Variants in IPO7 observed in about 807,000 individuals in gnomAD.
IPO7 encodes the protein importin 7.
IPO7 carries 13 observed loss-of-function variants against 136.4 expected under a neutral mutation model. That is an observed-to-expected ratio of 0.10 (90% CI 0.06 to 0.15). The LOEUF (loss-of-function observed/expected upper bound fraction) is 0.15, where lower values mean the gene tolerates loss of function less well. Among genes scored for constraint, IPO7 ranks in the 10% least tolerant of loss-of-function variants. The probability of loss-of-function intolerance (pLI) is 1.00; values close to 1 mark genes in which losing one functional copy is unlikely to be tolerated. For synonymous variants in IPO7, 403 were observed against 404.4 expected, an observed-to-expected ratio of 1.00 and a Z score of 0.04; for missense variants, 857 against 1,240.6, an observed-to-expected ratio of 0.69 and a Z score of 4.65.
At chr11:9,433,266 G>T (rs777983289) in intron 16 of IPO7, 30 of 293,016 alleles carry the variant, frequency 1.0e-4, no homozygotes, top group Non-Finnish European at 1.7e-4. Context: ...GATTACAGGC[G>T]TGAGCCACCG....
At chr11:9,396,474 C>T (rs1228850351) in intron 1 of IPO7, among the ~76,000 whole-genome samples, 1 of 152,212 alleles carries the variant, frequency 6.6e-6, no homozygotes, top group Non-Finnish European at 1.5e-5. Flanking sequence ...GTATGCAATA[C>T]AGTGGCTTTT....
rs1465186635 is a variant in IPO7 at position 9,408,697 on chromosome 11, T to G, written c.320+58T>G. Reference sequence around the variant, plus strand: ...GGTGTGTAACTTTCAGGGTTTTTTGTTTTTTGGTTTTTTTTTTTTTTTTTT... The same window carrying G: ...GGTGTGTAACTTTCAGGGTTTTTTGGTTTTTGGTTTTTTTTTTTTTTTTTT... On this transcript the variant is annotated intron_variant, in intron 3 of 24. Transcript: ENST00000379719. 6.0e-5 allele frequency: 69 copies of G among 1,147,434 alleles called. 1 individual carries two copies. Among genetic ancestry groups the G allele is most frequent in the South Asian group, 1.3e-4 (7 of 53,504 alleles). The allele number at this position is 1,147,434 out of a possible 1,614,324, so 71.1% of individuals were successfully genotyped here. A position where few individuals can be genotyped will look rare whatever the true frequency, so the allele number is the denominator to read the frequency against.
intron 24 of IPO7, among the ~76,000 whole-genome samples, chr11:9,444,830 C>T (rs562233588): frequency 1.5e-5 from 2 of 135,232 alleles, no homozygotes; most frequent in African/African-American, 5.8e-5. Flanking sequence ...GAGCCAGACT[C>T]TGTCTCAAAA....
At position 9,423,083 on chromosome 11, in the gene IPO7, T is replaced by C. The variant is rs751819089; in HGVS notation, c.984T>C (p.Tyr328=). ...APRVLQQTLN[Y]INQGVSHALT... is the part of the protein sequence containing the mutation. ...GAGTTTTACAACAGACATTAAATTA[T>C]ATTAATCAAGGAGTTTCTCATGCTC... Residue 328 remains tyrosine (Y), a synonymous_variant, in exon 9 of 25, where the codon TAT becomes TAC. Transcript: ENST00000379719. 11 of 1,593,434 alleles carry C rather than the reference T, an allele frequency of 6.9e-6. No individual in the cohort carries two copies. Among genetic ancestry groups the C allele is most frequent in the East Asian group, 2.2e-5 (1 of 44,686 alleles).
chr11:9,433,457 T>C (rs79713445), intron 16 of IPO7, 113 bp from the exon 17 acceptor site: 1 of 679,458 alleles, frequency 1.5e-6, no homozygotes, highest in African/African-American at 1.8e-5. Flanking sequence ...CAAAGACTTA[T>C]TTTTTTCACA....
chr11:9,420,774 T>C (rs1168516395), intron 8 of IPO7, 76 bp downstream of exon 8: 1 of 1,002,012 alleles, frequency 1.0e-6, no homozygotes, highest in African/African-American at 1.6e-5. Context: ...ATTCCCAGTT[T>C]CTTTGACATC....
chr11:9,407,233 C>T (rs1374010843), intron 2 of IPO7, among the ~76,000 whole-genome samples: 1 of 152,154 alleles, frequency 6.6e-6, no homozygotes, highest in Admixed American at 6.6e-5. Context: ...ATAACCTGGA[C>T]TTTGTTGGTC....
At position 9,446,591 on chromosome 11, in the gene IPO7, A is replaced by T. The variant is rs1295745351; in HGVS notation, c.*1397A>T. On this transcript the variant is annotated 3_prime_UTR_variant, in exon 25 of 25. Coordinates refer to ENST00000379719, the MANE Select transcript of IPO7 (RefSeq NM_006391.3). ...GGTCAGATGAGTCATACATTGGGTT[A>T]TTTTTTATATACATGTATACACAAA... 1.3e-5 allele frequency: 2 copies of T among 152,208 alleles called. No homozygotes were observed. Among genetic ancestry groups the T allele is most frequent in the Non-Finnish European group, 2.9e-5 (2 of 68,044 alleles). 9.4% of individuals were successfully genotyped at this position (152,208 alleles called of 1,614,324 possible).
intron 4 of IPO7, among the ~76,000 whole-genome samples, chr11:9,411,215 C>T (rs1412709407): frequency 1.3e-5 from 2 of 152,292 alleles, no homozygotes; most frequent in South Asian, 2.1e-4. Flanking sequence ...GTGGGAGATA[C>T]AGGAGGCTGC....
intron 2 of IPO7, among the ~76,000 whole-genome samples, chr11:9,405,842 C>T (rs1854874974): frequency 6.6e-6 from 1 of 151,712 alleles, no homozygotes; most frequent in African/African-American, 2.4e-5. Context: ...TCTCCTTTCC[C>T]TCCCTTCCCT....
chr11:9,390,137 C>T (rs990253677), intron 1 of IPO7, among the ~76,000 whole-genome samples: 2 of 152,188 alleles, frequency 1.3e-5, no homozygotes, highest in South Asian at 2.1e-4. Flanking sequence ...GTGATCCGTC[C>T]GTCTTGGCCT....
At chr11:9,399,211 T>C (rs1425255240) in intron 1 of IPO7, among the ~76,000 whole-genome samples, 1 of 151,456 alleles carries the variant, frequency 6.6e-6, no homozygotes, top group African/African-American at 2.4e-5. Flanking sequence ...TTGCCCAGGC[T>C]GGAGTACAAT....
intron 2 of IPO7, among the ~76,000 whole-genome samples, chr11:9,404,793 G>T (rs1217170276): frequency 6.6e-6 from 1 of 151,944 alleles, no homozygotes; most frequent in Non-Finnish European, 1.5e-5. Context: ...GTCTCGATTT[G>T]CTGACCTCGT....
chr11:9,396,926 G>A (rs1348117038), intron 1 of IPO7, among the ~76,000 whole-genome samples: 1 of 151,920 alleles, frequency 6.6e-6, no homozygotes, highest in Non-Finnish European at 1.5e-5. Flanking sequence ...AGTTAAATCT[G>A]GGTAACCAGC....
chr11:9,435,103 T>G (rs192309229), intron 19 of IPO7, 72 bp downstream of exon 19: 4 of 885,816 alleles, frequency 4.5e-6, no homozygotes, highest in East Asian at 2.4e-5. Context: ...AAAACTCATG[T>G]GATACCACAT....
intron 15 of IPO7, 163 bp from the exon 16 acceptor site, chr11:9,430,712 T>A: frequency 4.9e-6 from 3 of 617,032 alleles, no homozygotes; most frequent in Non-Finnish European, 8.3e-6. Context: ...ATGAGCAGAC[T>A]ATTTGATTAT....
In IPO7 at chr11:9,403,328, G is replaced by C. The variant is rs1486040547; in HGVS notation, c.123G>C (p.Gln41His). The change falls in exon 2 of 25, where the codon CAG becomes CAC. Residue 41 changes from glutamine (Q) to histidine (H), a missense_variant. Coordinates refer to ENST00000379719, the MANE Select transcript of IPO7 (RefSeq NM_006391.3). ...KSLNFVSTLL[Q>H]ITMSEQLDLP... The stretch of plus-strand genomic sequence containing the variant: ...TGAATTTTGTCTCAACACTGCTCCA[G>C]ATTACTATGTCGGAACAGCTGGATT... 2 of 1,613,952 alleles carry C rather than the reference G, an allele frequency of 1.2e-6. No individual in the cohort carries two copies. Among genetic ancestry groups the C allele is most frequent in the Non-Finnish European group, 8.5e-7 (1 of 1,179,928 alleles).
At chr11:9,386,561 ATTAT>A (rs1435228234) in intron 1 of IPO7, among the ~76,000 whole-genome samples, 1 of 152,156 alleles carries the variant, frequency 6.6e-6, no homozygotes, top group African/African-American at 2.4e-5. Context: ...CTTGCATGTA[ATTAT>A]TAATTTTAAA....
At position 9,444,978 on chromosome 11, in the gene IPO7, T is replaced by C. The variant is rs573923783; in HGVS notation, c.3020-119T>C. The C allele has an allele frequency of 1.5e-4, 100 of 659,198 alleles. No individual in the cohort carries two copies. The African/African-American group carries it at 1.7e-3, about 11-fold the overall frequency. 40.8% of individuals were successfully genotyped at this position (659,198 alleles called of 1,614,324 possible). A position where few individuals can be genotyped will look rare whatever the true frequency, so the allele number is the denominator to read the frequency against. ...CCTTATACATTGGAGAAATCATGGA[T>C]TTTGGAACTTCCTGGCCACTAATGA... On this transcript the variant is annotated intron_variant, in intron 24 of 24. Transcript: ENST00000379719.
Sources: gnomAD v4.1 joint callset for allele counts (sites outside exome capture counted in the v4.1 genomes callset) on GRCh38, gnomAD v4.1.1 for gene constraint, MANE v1.5 for transcripts, NCBI Gene and HGNC (gene_info 2026-07-23, HGNC 2026-07-21) for gene names.